Variants in HS3ST4 observed in about 807,000 individuals in gnomAD.
The protein encoded by HS3ST4 is heparan sulfate glucosamine 3-O-sulfotransferase 4.
A neutral mutation model predicts 29.2 loss-of-function variants in HS3ST4; 17 were observed. That is an observed-to-expected ratio of 0.58 (90% CI 0.40 to 0.87). The LOEUF (loss-of-function observed/expected upper bound fraction) is 0.87, where lower values mean the gene tolerates loss of function less well. Among genes scored for constraint, HS3ST4 ranks in the 40% least tolerant of loss-of-function variants. HS3ST4 has a pLI of 0.00. For missense variants in HS3ST4, 627 were observed against 634.5 expected (o/e 0.99, Z 0.13); for synonymous variants, 314 against 285.7 (o/e 1.10, Z -1.00).
At chr16:26,037,381 A>G (rs1969592988) in intron 1 of HS3ST4, among the ~76,000 whole-genome samples, 2 of 152,144 alleles carry the variant, frequency 1.3e-5, no homozygotes, top group Non-Finnish European at 2.9e-5. Context: ...TTGTGTGCCA[A>G]TGTTTAAGGA....
intron 1 of HS3ST4, among the ~76,000 whole-genome samples, chr16:26,091,845 TTC>T (rs1462360726): frequency 6.6e-6 from 1 of 152,160 alleles, no homozygotes; most frequent in Non-Finnish European, 1.5e-5. Context: ...ATTTCAAGAA[TTC>T]TCTTTTTCAA....
intron 1 of HS3ST4, among the ~76,000 whole-genome samples, chr16:25,990,721 A>C (rs1308797012): frequency 1.3e-5 from 2 of 152,230 alleles, no homozygotes; most frequent in Non-Finnish European, 2.9e-5. Context: ...GTCCAAGGAT[A>C]TGCAGGGTGT....
chr16:25,950,936 T>C (rs1199806003), intron 1 of HS3ST4, among the ~76,000 whole-genome samples: 1 of 152,186 alleles, frequency 6.6e-6, no homozygotes, highest in Admixed American at 6.5e-5. Context: ...ATTGAAAACA[T>C]AGTCTGTGGA....
At chr16:25,912,362 C>G (rs1175210780) in intron 1 of HS3ST4, among the ~76,000 whole-genome samples, 1 of 152,142 alleles carries the variant, frequency 6.6e-6, no homozygotes, top group Non-Finnish European at 1.5e-5. Flanking sequence ...CTCATTTTGA[C>G]TGTGTTCTCT....
At chr16:25,805,226 G>A (rs1218113702) in intron 1 of HS3ST4, among the ~76,000 whole-genome samples, 2 of 152,174 alleles carry the variant, frequency 1.3e-5, no homozygotes, top group Non-Finnish European at 2.9e-5. Context: ...CTTGAGGAGG[G>A]GAGGACAAAG....
At chr16:25,710,661 T>A (rs1166063219) in intron 1 of HS3ST4, among the ~76,000 whole-genome samples, 1 of 152,114 alleles carries the variant, frequency 6.6e-6, no homozygotes. Context: ...TTTCTTTTCC[T>A]GGTTTCTTGC....
chr16:25,706,210 C>T (rs757128588), intron 1 of HS3ST4, among the ~76,000 whole-genome samples: 38 of 152,108 alleles, frequency 2.5e-4, no homozygotes, highest in Non-Finnish European at 4.7e-4. Context: ...CTACGGGTCA[C>T]ACTTGCTTCT....
chr16:25,893,627 GTGT>G (rs1968032066), intron 1 of HS3ST4, among the ~76,000 whole-genome samples: 1 of 152,208 alleles, frequency 6.6e-6, no homozygotes, highest in Non-Finnish European at 1.5e-5. Flanking sequence ...TGTGGCCATG[GTGT>G]TGTGGTATTT....
At chr16:25,698,206 G>A (rs897808721) in intron 1 of HS3ST4, among the ~76,000 whole-genome samples, 5 of 152,280 alleles carry the variant, frequency 3.3e-5, no homozygotes, top group African/African-American at 9.6e-5. Flanking sequence ...GCTGGGATAC[G>A]GGCATGTACC....
At chr16:25,740,719 T>C (rs941137364) in intron 1 of HS3ST4, among the ~76,000 whole-genome samples, 1 of 152,180 alleles carries the variant, frequency 6.6e-6, no homozygotes, top group African/African-American at 2.4e-5. Flanking sequence ...GACAGTGTTA[T>C]CACAATCCCT....
At chr16:25,809,060 C>A (rs1438470254) in intron 1 of HS3ST4, among the ~76,000 whole-genome samples, 1 of 152,064 alleles carries the variant, frequency 6.6e-6, no homozygotes, top group Non-Finnish European at 1.5e-5. Flanking sequence ...TTTGGTTCTT[C>A]CTTTCCGATA....
chr16:25,945,780 A>G (rs906047674), intron 1 of HS3ST4, among the ~76,000 whole-genome samples: 1 of 152,226 alleles, frequency 6.6e-6, no homozygotes, highest in Non-Finnish European at 1.5e-5. Context: ...CCATGTTGCC[A>G]TAATGCCCAT....
chr16:26,029,417 CT>C (rs532985339), intron 1 of HS3ST4, among the ~76,000 whole-genome samples: 395 of 144,214 alleles, frequency 2.7e-3, no homozygotes, highest in Non-Finnish European at 2.7e-3. Context: ...AGGGGTAGTT[CT>C]TTTTTTTTTT....
chr16:25,747,994 G>T (rs1966695235), intron 1 of HS3ST4, among the ~76,000 whole-genome samples: 2 of 152,176 alleles, frequency 1.3e-5, no homozygotes, highest in Non-Finnish European at 2.9e-5. Flanking sequence ...AAATATCTCT[G>T]TTACCAATAG....
At chr16:25,761,484 C>G (rs190278565) in intron 1 of HS3ST4, among the ~76,000 whole-genome samples, 22 of 152,314 alleles carry the variant, frequency 1.4e-4, no homozygotes, top group Admixed American at 1.2e-3. Context: ...GGACAGTCAA[C>G]CTCAGCCTAA....
In HS3ST4 at chr16:25,984,544, G is replaced by C. The variant is rs561121527; in HGVS notation, c.735-151068G>C. Among the ~76,000 whole-genome samples the C allele has an allele frequency of 3.3e-5, 5 of 152,290 alleles. No homozygotes were observed. In the South Asian group the frequency reaches 1.0e-3, roughly 32 times the overall value. On this transcript the variant is annotated intron_variant, in intron 1 of 1. Transcript: ENST00000331351. ...TGGGGGTTTGGCACCCCTGCTTTAA[G>C]AAATCTCTCCCTAACTCTCCTTCCT...
rs942737248 is a variant in HS3ST4 at position 26,082,672 on chromosome 16, T to C, written c.735-52940T>C. Among the ~76,000 whole-genome samples, 6 of 152,194 alleles carry C rather than the reference T, an allele frequency of 3.9e-5. No individual in the cohort carries two copies. The South Asian group carries it at 1.2e-3, about 32-fold the overall frequency. ...AATTAAAAATGGTACATGCTGCAGATGTTAAGAGCTGATACCTGATTTTCC... is the reference window on the plus strand; with the variant it reads ...AATTAAAAATGGTACATGCTGCAGACGTTAAGAGCTGATACCTGATTTTCC... On this transcript the variant is annotated intron_variant, in intron 1 of 1. Coordinates refer to ENST00000331351, the MANE Select transcript of HS3ST4 (RefSeq NM_006040.3).
chr16:25,921,009 C>CT (rs1354326288), intron 1 of HS3ST4, among the ~76,000 whole-genome samples: 4 of 152,184 alleles, frequency 2.6e-5, no homozygotes, highest in African/African-American at 9.7e-5. Flanking sequence ...TCTCGACACT[C>CT]TATCTGGGAC....
intron 1 of HS3ST4, among the ~76,000 whole-genome samples, chr16:25,868,900 G>T (rs984721853): frequency 2.6e-5 from 4 of 152,110 alleles, no homozygotes; most frequent in African/African-American, 9.7e-5. Flanking sequence ...GATGCTTCTA[G>T]GGTTTCTTTG....
Sources: allele counts gnomAD v4.1 joint callset (sites outside exome capture counted in the v4.1 genomes callset), GRCh38; gene constraint gnomAD v4.1.1; transcripts MANE v1.5; gene names NCBI Gene and HGNC (gene_info 2026-07-23, HGNC 2026-07-21).